Variants in VGLL4 observed in about 807,000 individuals in gnomAD.
The protein encoded by VGLL4 is transcription cofactor vestigial-like protein 4.
In VGLL4, 7 loss-of-function variants were observed where a neutral mutation model predicts 21.0. That is an observed-to-expected ratio of 0.33 (90% CI 0.19 to 0.63). The LOEUF is 0.63. VGLL4 is among the 20% of genes least tolerant of loss of function. The pLI is 0.78. For synonymous variants in VGLL4, 222 were observed against 173.2 expected, an observed-to-expected ratio of 1.28 and a Z score of -2.21; for missense variants, 394 against 425.7, an observed-to-expected ratio of 0.93 and a Z score of 0.66.
chr3:11,579,130 C>T (rs1057446045), intron 2 of VGLL4, among the ~76,000 whole-genome samples: 3 of 150,214 alleles, frequency 2.0e-5, no homozygotes, highest in Non-Finnish European at 4.4e-5. Context: ...TAATTCTCAA[C>T]ATGAACTGCC....
chr3:11,654,099 A>C (rs2075921095), intron 2 of VGLL4, among the ~76,000 whole-genome samples: 1 of 151,458 alleles, frequency 6.6e-6, no homozygotes, highest in African/African-American at 2.4e-5. Flanking sequence ...CACCACCACC[A>C]CAACAAAGCA....
intron 1 of VGLL4, among the ~76,000 whole-genome samples, chr3:11,713,695 C>A (rs1367865829): frequency 1.3e-5 from 2 of 151,692 alleles, no homozygotes; most frequent in Non-Finnish European, 2.9e-5. Flanking sequence ...TCCTGTGAAA[C>A]CTCTGCAGGA....
chr3:11,711,171 G>A (rs1180897174), intron 1 of VGLL4, among the ~76,000 whole-genome samples: 3 of 152,128 alleles, frequency 2.0e-5, no homozygotes, highest in East Asian at 1.9e-4. Context: ...TTGGGAGGCC[G>A]AGGTGGGCAG....
At chr3:11,574,785 A>ATATGTGTG (rs1305114995) in intron 2 of VGLL4, among the ~76,000 whole-genome samples, 53 of 121,776 alleles carry the variant, frequency 4.4e-4, no homozygotes, top group East Asian at 3.8e-3. Flanking sequence ...TCAACTATAT[A>ATATGTGTG]TGTGTGTGTG....
At chr3:11,706,480 G>A (rs754898318) in intron 1 of VGLL4, among the ~76,000 whole-genome samples, 3 of 152,160 alleles carry the variant, frequency 2.0e-5, no homozygotes, top group Admixed American at 6.5e-5. Context: ...TCAAAAAGAG[G>A]ATAAACAAAG....
intron 1 of VGLL4, among the ~76,000 whole-genome samples, chr3:11,711,311 G>A (rs1326153279): frequency 1.3e-5 from 2 of 151,796 alleles, no homozygotes; most frequent in African/African-American, 2.4e-5. Flanking sequence ...AGGCTGAGGC[G>A]GGCAGATCAC....
intron 1 of VGLL4, among the ~76,000 whole-genome samples, chr3:11,602,585 A>G (rs867783432): frequency 1.3e-5 from 2 of 152,192 alleles, no homozygotes; most frequent in South Asian, 4.1e-4. Flanking sequence ...TAAATGTTTA[A>G]TTCTTACAGT....
chr3:11,654,387 A>T (rs1337994558), intron 2 of VGLL4, among the ~76,000 whole-genome samples: 1 of 152,170 alleles, frequency 6.6e-6, no homozygotes, highest in African/African-American at 2.4e-5. Context: ...ACAGATACCA[A>T]GCAGGCTCCT....
intron 1 of VGLL4, among the ~76,000 whole-genome samples, chr3:11,608,884 C>CG (rs1370979976): frequency 6.6e-6 from 1 of 151,984 alleles, no homozygotes; most frequent in African/African-American, 2.4e-5. Context: ...TTTTTGGAGA[C>CG]GGAGTCTCAC....
chr3:11,556,942 A>C lies in VGLL4; in HGVS notation c.*1614T>G. 1 of 152,760 alleles carries C rather than the reference A, an allele frequency of 6.5e-6. No individual in the cohort carries two copies. Among genetic ancestry groups the C allele is most frequent in the Non-Finnish European group, 1.5e-5 (1 of 68,066 alleles). The allele number at this position is 152,760 out of a possible 1,614,324, so 9.5% of individuals were successfully genotyped here. ...CAGCCACTCTGTGACTACAAGAGCC[A>C]GTCCTCCGACCTTTTCACCCAGTGC... On this transcript the variant is annotated 3_prime_UTR_variant, in exon 5 of 5. Transcript: ENST00000430365.
chr3:11,594,937 G>A (rs554056613), intron 2 of VGLL4, among the ~76,000 whole-genome samples: 30 of 152,316 alleles, frequency 2.0e-4, no homozygotes, highest in South Asian at 1.2e-3. Flanking sequence ...CGAGGCGGGC[G>A]GATCACCTGA....
At chr3:11,591,500 C>A (rs888192365) in intron 2 of VGLL4, among the ~76,000 whole-genome samples, 1 of 152,192 alleles carries the variant, frequency 6.6e-6, no homozygotes. Context: ...CAGCTCTCTG[C>A]GAAGACTCTT....
chr3:11,586,486 CG>C (rs532808011), intron 2 of VGLL4, among the ~76,000 whole-genome samples: 17 of 152,154 alleles, frequency 1.1e-4, no homozygotes, highest in Non-Finnish European at 2.2e-4. Flanking sequence ...CAGATTCAAC[CG>C]ATCATGGATG....
Position 11,568,530 on chromosome 3 carries a change from C to A in VGLL4, c.273-3511G>T, listed in dbSNP as rs935361104. On this transcript the variant is annotated intron_variant, in intron 2 of 4. Transcript: ENST00000430365. This position sits in a 1 kb window ranked among gnomAD's most constrained non-coding sequence, Gnocchi z 5.9. ...AGCACAGTGGGCACTATGGGTCAGA[C>A]AAAGACACTGAAAACAGCGAGAAAA... 5.8e-6 allele frequency: 9 copies of A among 1,544,032 alleles called. No individual in the cohort carries two copies. Among genetic ancestry groups the A allele is most frequent in the Non-Finnish European group, 7.9e-6 (9 of 1,140,128 alleles).
chr3:11,574,787 G>A (rs1197689736), intron 2 of VGLL4, among the ~76,000 whole-genome samples: 7 of 60,974 alleles, frequency 1.1e-4, no homozygotes, highest in East Asian at 2.9e-4. Context: ...AACTATATAT[G>A]TGTGTGTGTG....
At chr3:11,703,292 A>G (rs2076709576) in intron 1 of VGLL4, among the ~76,000 whole-genome samples, 1 of 152,176 alleles carries the variant, frequency 6.6e-6, no homozygotes, top group African/African-American at 2.4e-5. Flanking sequence ...GAACTAAAAG[A>G]AGGGATATTG....
chr3:11,688,448 G>GTTT (rs1431181017), intron 2 of VGLL4, among the ~76,000 whole-genome samples: 1 of 152,018 alleles, frequency 6.6e-6, no homozygotes, highest in Non-Finnish European at 1.5e-5. Context: ...ACCAATTTAG[G>GTTT]TTTTTAACCT....
intron 1 of VGLL4, among the ~76,000 whole-genome samples, chr3:11,704,555 G>C (rs985096875): frequency 6.7e-6 from 1 of 148,746 alleles, no homozygotes; most frequent in Non-Finnish European, 1.5e-5. Flanking sequence ...ATCTGCACGG[G>C]AGGCAGGCCA....
chr3:11,677,231 T>C (rs112829079), intron 2 of VGLL4, among the ~76,000 whole-genome samples: 108 of 152,028 alleles, frequency 7.1e-4, no homozygotes, highest in African/African-American at 2.5e-3. Context: ...CATAAGTGAG[T>C]GAGTGTGGGT....
Sources: allele counts gnomAD v4.1 joint callset (sites outside exome capture counted in the v4.1 genomes callset), GRCh38; gene constraint gnomAD v4.1.1; non-coding constraint Gnocchi (gnomAD v3.1); transcripts MANE v1.5; gene names NCBI Gene and HGNC (gene_info 2026-07-23, HGNC 2026-07-21).